Variants in PCDH15 observed in about 807,000 individuals in gnomAD.
PCDH15 encodes the protein protocadherin-15.
PCDH15 carries 129 observed loss-of-function variants against 178.5 expected under a neutral mutation model. That is an observed-to-expected ratio of 0.72 (90% CI 0.63 to 0.84). PCDH15 has a LOEUF of 0.84. Among genes scored for constraint, PCDH15 ranks in the 40% least tolerant of loss-of-function variants. The pLI, the probability that PCDH15 is intolerant of heterozygous loss-of-function variation, is 0.00. For synonymous variants in PCDH15, 800 were observed against 732.0 expected (o/e 1.09, Z -1.50); for missense variants, 2,230 against 2,099.9 (o/e 1.06, Z -1.21).
In PCDH15 at chr10:54,526,056, A is replaced by G. The variant is rs148999081; in HGVS notation, c.157+1756T>C. Among the ~76,000 whole-genome samples, 38 of 152,324 alleles carry G rather than the reference A, an allele frequency of 2.5e-4. No individual in the cohort carries two copies. In the East Asian group the frequency reaches 6.6e-3, roughly 26 times the overall value. Reference sequence around the variant, plus strand: ...GCCAAGTAAGGAGCACAACATTAGTATACTATATCATGTCATTTTCTTCTA... The same window carrying G: ...GCCAAGTAAGGAGCACAACATTAGTGTACTATATCATGTCATTTTCTTCTA... On this transcript the variant is annotated intron_variant, in intron 3 of 37. Coordinates refer to ENST00000644397, the MANE Select transcript of PCDH15 (RefSeq NM_001384140.1).
intron 2 of PCDH15, among the ~76,000 whole-genome samples, chr10:55,334,323 T>C (rs1565021950): frequency 1.4e-5 from 2 of 145,336 alleles, no homozygotes; most frequent in African/African-American, 5.2e-5. Context: ...TATTTTTTTT[T>C]TGAGACAGAG....
chr10:54,438,720 A>G (rs1294333964), intron 3 of PCDH15, among the ~76,000 whole-genome samples: 9 of 152,084 alleles, frequency 5.9e-5, no homozygotes, highest in Admixed American at 5.9e-4. Flanking sequence ...GGATGGGTGC[A>G]ATGCTGAGTG....
chr10:54,775,880 C>G (rs1489047216), intron 1 of PCDH15, among the ~76,000 whole-genome samples: 1 of 152,076 alleles, frequency 6.6e-6, no homozygotes, highest in Non-Finnish European at 1.5e-5. Context: ...AGCAAGACTC[C>G]GTCTCAAACA....
intron 35 of PCDH15, 103 bp from the exon 36 acceptor site, chr10:53,811,722 C>G (rs2075871643): frequency 1.6e-6 from 1 of 617,528 alleles, no homozygotes; most frequent in South Asian, 3.2e-5. Context: ...TCAAAACATT[C>G]CTGCCAAAAT....
At chr10:54,641,543 A>G (rs752800681) in intron 2 of PCDH15, among the ~76,000 whole-genome samples, 8 of 151,470 alleles carry the variant, frequency 5.3e-5, no homozygotes, top group Non-Finnish European at 1.2e-4. Flanking sequence ...TCCACTCCCC[A>G]TTTGCAATAA....
At chr10:54,938,074 T>C (rs1161020795) in intron 2 of PCDH15, among the ~76,000 whole-genome samples, 1 of 152,082 alleles carries the variant, frequency 6.6e-6, no homozygotes, top group Non-Finnish European at 1.5e-5. Flanking sequence ...TTGTCAAATG[T>C]TTTTTGCTTC....
chr10:55,040,408 T>G (rs2131976179), intron 2 of PCDH15, among the ~76,000 whole-genome samples: 1 of 152,014 alleles, frequency 6.6e-6, no homozygotes, highest in South Asian at 2.1e-4. Flanking sequence ...TACATTTACA[T>G]GTCTAAGGGG....
intron 8 of PCDH15, among the ~76,000 whole-genome samples, chr10:54,289,985 C>A (rs934292667): frequency 6.6e-6 from 1 of 152,112 alleles, no homozygotes; most frequent in Admixed American, 6.5e-5. Context: ...AGGATATTAT[C>A]CAGGAGAACC....
At chr10:54,961,712 G>T (rs1838659755) in intron 2 of PCDH15, among the ~76,000 whole-genome samples, 2 of 152,146 alleles carry the variant, frequency 1.3e-5, no homozygotes, top group Admixed American at 1.3e-4. Context: ...TACCCACTTT[G>T]GGTCTCCTCT....
chr10:55,365,310 A>G (rs1025263717), intron 2 of PCDH15, among the ~76,000 whole-genome samples: 5 of 152,118 alleles, frequency 3.3e-5, no homozygotes, highest in African/African-American at 4.8e-5. Context: ...TCTAAAGTGA[A>G]GTTATAACAA....
At chr10:55,397,094 T>G (rs900946396) in intron 2 of PCDH15, among the ~76,000 whole-genome samples, 1 of 152,198 alleles carries the variant, frequency 6.6e-6, no homozygotes. Flanking sequence ...TGTAGTTATA[T>G]AAATTACTCA....
At chr10:54,568,451 T>C (rs892428976) in intron 2 of PCDH15, 4 of 152,166 alleles carry the variant, frequency 2.6e-5, no homozygotes, top group African/African-American at 9.6e-5. Context: ...TTTGTAGACT[T>C]TTAAAAAACT....
intron 3 of PCDH15, among the ~76,000 whole-genome samples, chr10:54,500,148 A>G (rs867337404): frequency 6.2e-5 from 9 of 144,926 alleles, no homozygotes; most frequent in Admixed American, 1.4e-4. Flanking sequence ...CTTTGCAACA[A>G]CATTAAAGCA....
chr10:53,995,942 T>C (rs937465997), intron 20 of PCDH15, among the ~76,000 whole-genome samples, 177 bp from the exon 21 acceptor site: 6 of 152,128 alleles, frequency 3.9e-5, no homozygotes, highest in African/African-American at 1.4e-4. Flanking sequence ...GCCAGAGTTC[T>C]CATACAATAT....
intron 3 of PCDH15, among the ~76,000 whole-genome samples, chr10:54,410,273 G>A (rs1953299163): frequency 1.3e-5 from 2 of 152,080 alleles, no homozygotes; most frequent in South Asian, 4.1e-4. Flanking sequence ...ACAAGCCTAA[G>A]GGGAAAAATT....
intron 3 of PCDH15, among the ~76,000 whole-genome samples, chr10:54,516,971 G>T (rs564212861): frequency 5.3e-5 from 8 of 152,042 alleles, no homozygotes; most frequent in Admixed American, 4.6e-4. Context: ...AGCTTCATAA[G>T]TGAAGGAGAA....
chr10:54,752,230 A>T (rs997257151), intron 1 of PCDH15, among the ~76,000 whole-genome samples: 16 of 151,630 alleles, frequency 1.1e-4, no homozygotes, highest in Admixed American at 7.9e-4. Flanking sequence ...TAATCCCAGC[A>T]CTTTGGGAGG....
At chr10:54,779,263 C>A (rs1950021033) in intron 1 of PCDH15, among the ~76,000 whole-genome samples, 1 of 150,904 alleles carries the variant, frequency 6.6e-6, no homozygotes, top group Non-Finnish European at 1.5e-5. Flanking sequence ...AGGTTACTGA[C>A]CAGAACTCTG....
At chr10:53,830,590 G>T (rs961108147) in intron 30 of PCDH15, among the ~76,000 whole-genome samples, 2 of 152,038 alleles carry the variant, frequency 1.3e-5, no homozygotes, top group Admixed American at 6.5e-5. Flanking sequence ...TAGTGTCAAA[G>T]AATATATTAC....
Sources: gnomAD v4.1 joint callset for allele counts (sites outside exome capture counted in the v4.1 genomes callset) on GRCh38, gnomAD v4.1.1 for gene constraint, MANE v1.5 for transcripts, NCBI Gene and HGNC (gene_info 2026-07-23, HGNC 2026-07-21) for gene names.